Variants in WDFY4 observed in about 807,000 individuals in gnomAD.
The protein encoded by WDFY4 is WDFY family member 4, also known as WD repeat- and FYVE domain-containing protein 4.
WDFY4 carries 169 observed loss-of-function variants against 351.9 expected under a neutral mutation model. The ratio of observed to expected loss-of-function variants is 0.48; its 90% confidence interval spans 0.42 to 0.55. The LOEUF (loss-of-function observed/expected upper bound fraction) is 0.55. Ranked by LOEUF, WDFY4 falls within the 20% of genes least tolerant of loss-of-function variation. The probability of loss-of-function intolerance (pLI) is 0.00; values close to 1 mark genes in which losing one functional copy is unlikely to be tolerated. For missense variants in WDFY4, 3,803 were observed against 3,935.6 expected (o/e 0.97, Z 0.90); for synonymous variants, 1,622 against 1,574.6 (o/e 1.03, Z -0.71).
intron 23 of WDFY4, among the ~76,000 whole-genome samples, chr10:48,794,828 TGA>T (rs2066802807): frequency 6.6e-6 from 1 of 152,112 alleles, no homozygotes; most frequent in Non-Finnish European, 1.5e-5. Flanking sequence ...GTGGCCTTTC[TGA>T]GGGAGGTAGC....
At chr10:48,727,819 G>T (rs567362075) in intron 7 of WDFY4, among the ~76,000 whole-genome samples, 160 bp downstream of exon 7, 13 of 152,262 alleles carry the variant, frequency 8.5e-5, no homozygotes, top group Admixed American at 7.8e-4. Flanking sequence ...ACAGGCATGG[G>T]GACCACTTCC....
intron 9 of WDFY4, among the ~76,000 whole-genome samples, chr10:48,733,138 T>C (rs553103580): frequency 1.3e-5 from 2 of 152,380 alleles, no homozygotes; most frequent in East Asian, 1.9e-4. Context: ...CAGCCTAACA[T>C]TGAATTTGCT....
At chr10:48,959,332 G>C (rs960398651) in intron 52 of WDFY4, among the ~76,000 whole-genome samples, 1 of 152,196 alleles carries the variant, frequency 6.6e-6, no homozygotes, top group Non-Finnish European at 1.5e-5. Context: ...CGTGGAGTGA[G>C]GTGCTTAGAA....
chr10:48,793,680 C>T (rs1381615458), intron 23 of WDFY4, among the ~76,000 whole-genome samples: 5 of 152,076 alleles, frequency 3.3e-5, no homozygotes, highest in Admixed American at 2.0e-4. Flanking sequence ...GAGCGTGTGT[C>T]CGGCTTGTTT....
At chr10:48,953,591 A>G (rs1258913390) in intron 51 of WDFY4, among the ~76,000 whole-genome samples, 2 of 152,174 alleles carry the variant, frequency 1.3e-5, no homozygotes, top group Non-Finnish European at 2.9e-5. Context: ...GGGTCCTGTA[A>G]GTGAGTTGTT....
intron 21 of WDFY4, among the ~76,000 whole-genome samples, chr10:48,788,885 A>G (rs920303588): frequency 9.2e-5 from 14 of 152,242 alleles, no homozygotes; most frequent in African/African-American, 3.4e-4. Context: ...ATAATTATTC[A>G]GAGAAGAAAA....
At chr10:48,718,051 C>A (rs912267357) in intron 2 of WDFY4, among the ~76,000 whole-genome samples, 1 of 152,174 alleles carries the variant, frequency 6.6e-6, no homozygotes, top group Admixed American at 6.5e-5. Context: ...CATTCTCCTA[C>A]GTTTGGTATT....
At chr10:48,776,502 G>A (rs1026518045) in intron 15 of WDFY4, among the ~76,000 whole-genome samples, 9 of 152,312 alleles carry the variant, frequency 5.9e-5, no homozygotes, top group Non-Finnish European at 7.4e-5. Context: ...GCTGGAAAAG[G>A]GATCTGTGCT....
chr10:48,805,979 T>A (rs1565219669), intron 26 of WDFY4, 25 bp from the exon 27 acceptor site: 5 of 1,550,404 alleles, frequency 3.2e-6, no homozygotes, highest in Non-Finnish European at 4.4e-6. Flanking sequence ...CCTGCGAGCC[T>A]GTCCTTCTCT....
intron 13 of WDFY4, among the ~76,000 whole-genome samples, chr10:48,774,040 C>T (rs1272438415): frequency 6.6e-6 from 1 of 152,206 alleles, no homozygotes; most frequent in Non-Finnish European, 1.5e-5. Context: ...CAGATCGTCC[C>T]ATCTTTTGAG....
chr10:48,835,573 A>G (rs1271056090), intron 39 of WDFY4, among the ~76,000 whole-genome samples: 1 of 152,224 alleles, frequency 6.6e-6, no homozygotes, highest in Non-Finnish European at 1.5e-5. Flanking sequence ...ACTTTCAGCA[A>G]CTCAAGAAGA....
chr10:48,869,093 G>T (rs1385769748), intron 40 of WDFY4, among the ~76,000 whole-genome samples: 1 of 152,164 alleles, frequency 6.6e-6, no homozygotes, highest in East Asian at 1.9e-4. Context: ...TTTAAGTCAG[G>T]TTGTTTTGAT....
chr10:48,807,917 G>T lies in WDFY4; in HGVS notation c.4797G>T (p.Leu1599=). The T allele has an allele frequency of 6.4e-7, 1 of 1,551,304 alleles. No homozygotes were observed. The highest frequency in any genetic ancestry group is 8.7e-7 in the Non-Finnish European group (1 of 1,146,852). ...IWLRNQLLEM[L]LSVISSPQLH... ...TCAGAAACCAGTTGCTGGAGATGCT[G>T]CTCAGTGTAATATCTTCCCCCCAGC... The change falls in exon 28 of 62, where the codon CTG becomes CTT. Residue 1599 remains leucine (L), a synonymous_variant. Transcript: ENST00000325239.
At chr10:48,940,721 T>C (rs1032415677) in intron 47 of WDFY4, among the ~76,000 whole-genome samples, 5 of 151,968 alleles carry the variant, frequency 3.3e-5, no homozygotes, top group Non-Finnish European at 7.4e-5. Context: ...GAGAGTCTTA[T>C]GGAGTTGGGG....
intron 47 of WDFY4, chr10:48,913,894 G>A (rs1447522533): frequency 1.1e-5 from 18 of 1,614,060 alleles, no homozygotes; most frequent in Middle Eastern, 1.6e-4. Flanking sequence ...GACTCAGGCA[G>A]CTTGTCTATG....
chr10:48,964,976 G>C (rs1842014049), intron 54 of WDFY4, among the ~76,000 whole-genome samples: 1 of 152,196 alleles, frequency 6.6e-6, no homozygotes, highest in Non-Finnish European at 1.5e-5. Context: ...CAGGTAAAGG[G>C]AATATGAGGA....
chr10:48,701,194 G>T (rs2063470886), intron 1 of WDFY4, among the ~76,000 whole-genome samples: 1 of 152,206 alleles, frequency 6.6e-6, no homozygotes, highest in Non-Finnish European at 1.5e-5. Context: ...GTCCTTTTGT[G>T]ACTGGTTAGT....
rs926697958 is a variant in WDFY4 at position 48,971,904 on chromosome 10, A to G, written c.8928+1615A>G. ...TGAAAGACTGGAGTGCTCTCTCCCC[A>G]GCATCCCCATTGCCCATTTACAGCT... On this transcript the variant is annotated intron_variant, in intron 57 of 61. Transcript: ENST00000325239. 2.0e-5 allele frequency among the ~76,000 whole-genome samples: 3 copies of G among 152,206 alleles called. 1 individual carries two copies.
At chr10:48,971,847 A>G (rs1438018818) in intron 57 of WDFY4, among the ~76,000 whole-genome samples, 1 of 152,152 alleles carries the variant, frequency 6.6e-6, no homozygotes, top group Non-Finnish European at 1.5e-5. Context: ...TGGGCTGGGT[A>G]TGATTCCTGA....
Sources: allele counts gnomAD v4.1 joint callset (sites outside exome capture counted in the v4.1 genomes callset), GRCh38; gene constraint gnomAD v4.1.1; transcripts MANE v1.5; gene names NCBI Gene and HGNC (gene_info 2026-07-23, HGNC 2026-07-21).